The following DNAH12 variants were observed in gnomAD, a reference collection of about 807,000 sequenced individuals.
DNAH12 encodes dynein axonemal heavy chain 12.
Under a neutral mutation model 371.5 loss-of-function variants are expected in DNAH12, and 285 were observed. That is an observed-to-expected ratio of 0.77 (90% CI 0.70 to 0.85). DNAH12 has a LOEUF of 0.85. DNAH12 is among the 40% of genes least tolerant of loss of function. DNAH12 has a pLI of 0.00. For synonymous variants in DNAH12, 1,200 were observed against 1,213.0 expected (o/e 0.99, Z 0.22); for missense variants, 3,611 against 3,689.4 (o/e 0.98, Z 0.55).
At position 57,468,764 on chromosome 3, in the gene DNAH12, G is replaced by A. The variant is rs2066276848; in HGVS notation, c.2321C>T (p.Thr774Ile). 3 of 1,514,752 alleles carry A rather than the reference G, an allele frequency of 2.0e-6. No individual in the cohort carries two copies. Among genetic ancestry groups the A allele is most frequent in the African/African-American group, 2.8e-5 (2 of 70,550 alleles). The allele number at this position is 1,514,752 out of a possible 1,614,324, so 93.8% of individuals were successfully genotyped here. A position where few individuals can be genotyped will look rare whatever the true frequency, so the allele number is the denominator to read the frequency against. The change falls in exon 17 of 74, where the codon ACA becomes ATA. Residue 774 changes from threonine to isoleucine, a missense_variant. By Grantham distance (89) the Thr-to-Ile change is moderately conservative. This residue lies in a region of DNAH12 where 1,314 missense variants were observed against 1,398.7 expected (regional missense o/e 0.94). Coordinates refer to ENST00000495027, the MANE Select transcript of DNAH12 (RefSeq NM_001366028.2). Reference protein sequence around the residue: ...KDNATITMCSTVMEQIKAFKE... With the variant: ...KDNATITMCSIVMEQIKAFKE... The stretch of plus-strand genomic sequence containing the variant: ...AAAAGCTTTTATCTGTTCCATGACT[G>A]TACTGCACATAGTAATAGTAGCATT...
At chr3:57,551,550 A>G in the DNAH12 span, among the ~76,000 whole-genome samples, 667 of 152,056 alleles carry the variant, frequency 4.4e-3, 2 homozygotes, top group African/African-American at 7.0e-3. Context: ...GATTACAGGC[A>G]TTAGCCACCG....
chr3:57,502,584 C>CT (rs2067592344), intron 9 of DNAH12, 105 bp from the exon 10 acceptor site: 1 of 1,238,786 alleles, frequency 8.1e-7, no homozygotes, highest in Non-Finnish European at 1.1e-6. Context: ...GAGTCTTGCT[C>CT]TATCACCCAG....
intron 43 of DNAH12, among the ~76,000 whole-genome samples, chr3:57,401,685 A>C (rs1275981070): frequency 6.6e-6 from 1 of 152,020 alleles, no homozygotes; most frequent in Non-Finnish European, 1.5e-5. Flanking sequence ...CAAGGAAGCT[A>C]GGAAGGAAAT....
At chr3:57,552,879 T>G in the DNAH12 span, among the ~76,000 whole-genome samples, 1 of 151,924 alleles carries the variant, frequency 6.6e-6, no homozygotes, top group African/African-American at 2.4e-5. Flanking sequence ...GACCCTGTCT[T>G]AAAAAAATAA....
intron 64 of DNAH12, 65 bp from the exon 65 acceptor site, chr3:57,322,548 C>T (rs995903112): frequency 1.4e-6 from 2 of 1,462,742 alleles, no homozygotes; most frequent in African/African-American, 2.9e-5. Context: ...AGTGCATATA[C>T]ACGTGGATTA....
intron 71 of DNAH12, 139 bp downstream of exon 71, chr3:57,296,708 C>A: frequency 7.3e-6 from 8 of 1,089,464 alleles, no homozygotes; most frequent in African/African-American, 1.6e-5. Flanking sequence ...TATAAAAGTT[C>A]TAAGGGATAG....
At chr3:57,495,790 T>C (rs938205062) in intron 11 of DNAH12, among the ~76,000 whole-genome samples, 116 of 144,228 alleles carry the variant, frequency 8.0e-4, no homozygotes, top group Middle Eastern at 3.6e-3. Flanking sequence ...TATATATTTA[T>C]ATATTTTTAA....
At chr3:57,408,187 A>T in intron 40 of DNAH12, 93 bp downstream of exon 40, 1 of 1,350,520 alleles carries the variant, frequency 7.4e-7, no homozygotes, top group Middle Eastern at 2.0e-4. Context: ...TCTGACACCA[A>T]AGACCAAAGC....
In DNAH12 at chr3:57,413,771, G is replaced by A. The variant is rs202216403; in HGVS notation, c.5995C>T (p.Arg1999Ter). ...YGAQPPIELL[R>*]QFFDCGHWYD... ...CAATGTCCACAGTCAAAAAACTGTCGTAATAATTCAATAGGTGGTTGAGCT... is the reference window on the plus strand; with the variant it reads ...CAATGTCCACAGTCAAAAAACTGTCATAATAATTCAATAGGTGGTTGAGCT... The change falls in exon 39 of 74, where the codon CGA becomes TGA. Residue 1999 changes from arginine (R) to a stop codon, truncating the protein, a stop_gained. Coordinates refer to ENST00000495027, the MANE Select transcript of DNAH12 (RefSeq NM_001366028.2). LOFTEE classifies it high-confidence loss of function. 634 of 1,550,568 alleles carry A rather than the reference G, an allele frequency of 4.1e-4. No homozygotes were observed. The highest frequency in any genetic ancestry group is 8.8e-4 in the Admixed American group (45 of 50,902).
chr3:57,382,507 A>C (rs2063413774), intron 49 of DNAH12, 114 bp from the exon 50 acceptor site: 1 of 134,882 alleles, frequency 7.4e-6, no homozygotes, highest in Non-Finnish European at 1.6e-5. Context: ...TTTTATTTGA[A>C]ATCAAAGTTT....
At chr3:57,555,958 C>G in the DNAH12 span, among the ~76,000 whole-genome samples, 4 of 152,212 alleles carry the variant, frequency 2.6e-5, no homozygotes, top group African/African-American at 9.6e-5. Context: ...CAGTCCCGGG[C>G]GCAGGGAGGA....
chr3:57,428,421 C>G lies in DNAH12; in HGVS notation c.5253+212G>C, dbSNP rs541053898. On this transcript the variant is annotated intron_variant, in intron 34 of 73. Transcript: ENST00000495027. ...TAATTAGAATTTTTAAAATTTTAGA[C>G]ACTATGGTTGTATACAAATAGTTTA... 3 of 1,511,910 alleles carry G rather than the reference C, an allele frequency of 2.0e-6. No homozygotes were observed. In the African/African-American group the frequency reaches 4.2e-5, roughly 21 times the overall value. 93.7% of individuals were successfully genotyped at this position (1,511,910 alleles called of 1,614,324 possible).
In DNAH12 at chr3:57,388,937, G is replaced by C. The variant is rs1372553445; in HGVS notation, c.7306-1718C>G. Among the ~76,000 whole-genome samples, 3 of 151,766 alleles carry C rather than the reference G, an allele frequency of 2.0e-5. 1 individual carries two copies. The highest frequency in any genetic ancestry group is 4.4e-5 in the Non-Finnish European group (3 of 67,960). On this transcript the variant is annotated intron_variant, in intron 45 of 73. Coordinates refer to ENST00000495027, the MANE Select transcript of DNAH12 (RefSeq NM_001366028.2). ...GGGGAGGGGGGAGGGATAGCATTAG[G>C]ATATATACCTAATGTAAATGGTGAG...
Position 57,419,603 on chromosome 3 carries a change from T to C in DNAH12, c.5563-85A>G, listed in dbSNP as rs1023074408. On this transcript the variant is annotated intron_variant, in intron 36 of 73. Transcript: ENST00000495027. The stretch of plus-strand genomic sequence containing the variant: ...TCTTTTCAACATGTATACTATTATA[T>C]TAGCTTTTAAAAACTTAAGTCTTCC... 22 of 1,032,496 alleles carry C rather than the reference T, an allele frequency of 2.1e-5. 1 individual carries two copies. Among genetic ancestry groups the C allele is most frequent in the Middle Eastern group, 6.9e-4 (2 of 2,908 alleles). 64.0% of individuals were successfully genotyped at this position (1,032,496 alleles called of 1,614,324 possible).
intron 65 of DNAH12, among the ~76,000 whole-genome samples, chr3:57,314,989 G>C (rs1316327814): frequency 6.6e-6 from 1 of 152,172 alleles, no homozygotes; most frequent in South Asian, 2.1e-4. Context: ...GCTTGAGACT[G>C]TAAGTGCAGG....
intron 62 of DNAH12, among the ~76,000 whole-genome samples, chr3:57,331,411 A>G (rs895033833): frequency 1.3e-5 from 2 of 152,168 alleles, no homozygotes; most frequent in African/African-American, 4.8e-5. Context: ...CAGGGACTTA[A>G]AGTGACTCTC....
chr3:57,545,308 T>TC (rs1361433068), upstream of DNAH12, among the ~76,000 whole-genome samples: 3 of 13,900 alleles, frequency 2.2e-4, no homozygotes, highest in Non-Finnish European at 3.0e-4. Flanking sequence ...CAAACCCGAC[T>TC]AATTTTTTTT....
At chr3:57,509,837 G>A (rs983380352) in intron 5 of DNAH12, among the ~76,000 whole-genome samples, 7 of 136,512 alleles carry the variant, frequency 5.1e-5, no homozygotes, top group African/African-American at 2.0e-4. Context: ...ACTCTATTCT[G>A]GGCGACAGAG....
At chr3:57,547,295 C>A (rs1227459419), upstream of DNAH12, among the ~76,000 whole-genome samples, 1 of 151,270 alleles carries the variant, frequency 6.6e-6, no homozygotes, top group African/African-American at 2.4e-5. Flanking sequence ...CTGACTGATA[C>A]AATGTACGTC....
Sources: gnomAD v4.1 joint callset for allele counts (sites outside exome capture counted in the v4.1 genomes callset) on GRCh38, gnomAD v4.1.1 for gene constraint, gnomAD v4.1.1 regional missense constraint, MANE v1.5 for transcripts, NCBI Gene and HGNC (gene_info 2026-07-23, HGNC 2026-07-21) for gene names.